CELF4: variants seen among roughly 807,000 people sequenced by gnomAD.
CELF4 encodes the protein CUGBP Elav-like family member 4, also known as CUG-BP- and ETR-3-like factor 4.
CELF4 carries 18 observed loss-of-function variants against 59.9 expected under a neutral mutation model. The ratio of observed to expected loss-of-function variants is 0.30; its 90% CI spans 0.21 to 0.45. The LOEUF is 0.45. Ranked by LOEUF, CELF4 falls within the 20% of genes least tolerant of loss-of-function variation. The pLI is 1.00. For missense variants in CELF4, 456 were observed against 689.0 expected (o/e 0.66, Z 3.79); for synonymous variants, 261 against 267.1 (o/e 0.98, Z 0.22).
intron 1 of CELF4, among the ~76,000 whole-genome samples, chr18:37,520,981 A>G (rs1158833125): frequency 6.8e-6 from 1 of 146,756 alleles, no homozygotes; most frequent in Non-Finnish European, 1.5e-5. Context: ...ACCCCTTGGC[A>G]TGGGGAGGGG....
chr18:37,399,997 G>C (rs11082003), intron 2 of CELF4, among the ~76,000 whole-genome samples: 94,946 of 152,050 alleles, frequency 0.62, 29,899 homozygotes, highest in East Asian at 0.86. Context: ...TGAGATTGTT[G>C]GTTTTATGTA....
intron 2 of CELF4, among the ~76,000 whole-genome samples, chr18:37,326,020 C>A (rs951073786): frequency 1.2e-4 from 19 of 152,310 alleles, no homozygotes; most frequent in African/African-American, 3.8e-4. Flanking sequence ...TGAAGAGAAA[C>A]CTTCCTCCCT....
At chr18:37,336,634 G>A (rs577712270) in intron 2 of CELF4, among the ~76,000 whole-genome samples, 1 of 151,244 alleles carries the variant, frequency 6.6e-6, no homozygotes, top group East Asian at 2.0e-4. Flanking sequence ...AGTGTGCCCA[G>A]AGAGCCCACA....
chr18:37,350,154 C>A (rs1200949049), intron 2 of CELF4, among the ~76,000 whole-genome samples: 1 of 152,004 alleles, frequency 6.6e-6, no homozygotes, highest in Non-Finnish European at 1.5e-5. Flanking sequence ...CCTTCAGCAA[C>A]CAGGGACAGG....
intron 2 of CELF4, among the ~76,000 whole-genome samples, chr18:37,421,825 G>A (rs2154593945): frequency 6.6e-6 from 1 of 152,332 alleles, no homozygotes; most frequent in East Asian, 1.9e-4. Context: ...GTAAAACACC[G>A]GATGTGAATT....
chr18:37,550,568 C>G (rs1251451395), intron 1 of CELF4, among the ~76,000 whole-genome samples: 1 of 152,198 alleles, frequency 6.6e-6, no homozygotes, highest in African/African-American at 2.4e-5. Flanking sequence ...GTTTACGGAC[C>G]ATGTTTAATA....
At chr18:37,520,823 G>T (rs752978453) in intron 1 of CELF4, among the ~76,000 whole-genome samples, 1 of 152,136 alleles carries the variant, frequency 6.6e-6, no homozygotes, top group Non-Finnish European at 1.5e-5. Context: ...GCTCACAGTA[G>T]GTGTTCAGTC....
intron 2 of CELF4, among the ~76,000 whole-genome samples, chr18:37,470,160 T>C (rs1023052371): frequency 2.0e-5 from 3 of 152,210 alleles, no homozygotes; most frequent in African/African-American, 7.2e-5. Context: ...GGACTTTAGG[T>C]GTAAAGTTGG....
chr18:37,270,949 G>C, intron 7 of CELF4, 32 bp from the exon 8 acceptor site: 2 of 1,562,052 alleles, frequency 1.3e-6, no homozygotes, highest in Non-Finnish European at 1.7e-6. Flanking sequence ...GGTGGAGGAG[G>C]AGGGGAGGCA....
chr18:37,440,791 T>C (rs191599333), intron 2 of CELF4, among the ~76,000 whole-genome samples: 384 of 152,176 alleles, frequency 2.5e-3, no homozygotes, highest in African/African-American at 8.9e-3. Context: ...TCTACCTACC[T>C]AACTACCCAT....
intron 2 of CELF4, among the ~76,000 whole-genome samples, chr18:37,476,996 G>A (rs148280786): frequency 2.0e-5 from 3 of 152,362 alleles, no homozygotes; most frequent in Non-Finnish European, 4.4e-5. Flanking sequence ...CCCGCAGGGT[G>A]AGCTAGGCTG....
At chr18:37,432,317 C>A (rs1447326177) in intron 2 of CELF4, among the ~76,000 whole-genome samples, 1 of 152,208 alleles carries the variant, frequency 6.6e-6, no homozygotes, top group Non-Finnish European at 1.5e-5. Flanking sequence ...TCTGAGGAGG[C>A]CCCCAACTCC....
At chr18:37,274,759 C>T (rs761070723) in intron 5 of CELF4, 46 bp downstream of exon 5, 12 of 1,524,408 alleles carry the variant, frequency 7.9e-6, no homozygotes, top group Admixed American at 2.0e-5. Context: ...GCTGGGGTCT[C>T]GGCCCGCCGC....
chr18:37,441,694 A>G (rs2099723755), intron 2 of CELF4, among the ~76,000 whole-genome samples: 1 of 151,964 alleles, frequency 6.6e-6, no homozygotes, highest in Admixed American at 6.6e-5. Context: ...GTGCATATTA[A>G]ACAGAAGGGG....
chr18:37,344,192 C>G (rs1335774780), intron 2 of CELF4, among the ~76,000 whole-genome samples: 2 of 152,234 alleles, frequency 1.3e-5, no homozygotes, highest in African/African-American at 4.8e-5. Context: ...GGCTGGGCAT[C>G]CACAGTAACA....
Position 37,274,866 on chromosome 18 carries a change from T to C in CELF4, c.596A>G (p.Tyr199Cys). The stretch of plus-strand genomic sequence containing the variant: ...GGCCTGCGCCTCGGCGTGGGAGGAG[T>C]ACTTCACAAAGGCGCACCCTGCGAG... Reference protein sequence around the residue: ...GNSKGCAFVKYSSHAEAQAAI... With the variant: ...GNSKGCAFVKCSSHAEAQAAI... The change falls in exon 5 of 13, where the codon TAC becomes TGC. Residue 199 changes from tyrosine (Y) to cysteine (C), a missense_variant. This residue lies in a region of CELF4 where 56 missense variants were observed against 92.0 expected (regional missense o/e 0.61). Coordinates refer to ENST00000420428, the MANE Select transcript of CELF4 (RefSeq NM_020180.4). 1 of 1,607,032 alleles carries C rather than the reference T, an allele frequency of 6.2e-7. No homozygotes were observed. The highest frequency in any genetic ancestry group is 2.2e-5 in the East Asian group (1 of 44,574).
At chr18:37,300,361 A>T (rs962548013) in intron 3 of CELF4, among the ~76,000 whole-genome samples, 2 of 152,000 alleles carry the variant, frequency 1.3e-5, no homozygotes, top group South Asian at 4.2e-4. Context: ...AGTAGCTGGG[A>T]TTACAGGCAC....
intron 1 of CELF4, 54 bp downstream of exon 1, chr18:37,565,301 GC>G (rs2099987902): frequency 6.9e-7 from 1 of 1,457,320 alleles, no homozygotes; most frequent in African/African-American, 1.4e-5. Flanking sequence ...CGGCCGGTCG[GC>G]CCGCCAGCCC....
intron 1 of CELF4, among the ~76,000 whole-genome samples, chr18:37,558,122 C>T (rs1006246295): frequency 1.3e-5 from 2 of 151,326 alleles, no homozygotes; most frequent in African/African-American, 4.9e-5. Flanking sequence ...CTGCCTCAGC[C>T]TCCTGAGTAG....
Sources: allele counts gnomAD v4.1 joint callset (sites outside exome capture counted in the v4.1 genomes callset), GRCh38; gene constraint gnomAD v4.1.1; regional missense constraint gnomAD v4.1.1; transcripts MANE v1.5; gene names NCBI Gene and HGNC (gene_info 2026-07-23, HGNC 2026-07-21).